The following AP2A2 variants were observed in gnomAD, a reference collection of about 807,000 sequenced individuals.
AP2A2 encodes the protein AP-2 complex subunit alpha-2.
Under a neutral mutation model 104.2 loss-of-function variants are expected in AP2A2, and 32 were observed. The observed-to-expected ratio is 0.31, with a 90% confidence interval of 0.23 to 0.41. The LOEUF is 0.41. Ranked by LOEUF, AP2A2 falls within the 10% of genes least tolerant of loss-of-function variation. The pLI is 1.00. For synonymous variants in AP2A2, 539 were observed against 533.3 expected (o/e 1.01, Z -0.15); for missense variants, 912 against 1,261.0 (o/e 0.72, Z 4.19).
chr11:965,925 T>G (rs1351510303), intron 2 of AP2A2, among the ~76,000 whole-genome samples: 1 of 152,182 alleles, frequency 6.6e-6, no homozygotes, highest in Non-Finnish European at 1.5e-5. Flanking sequence ...ACTGCAGCCT[T>G]GACTTCCTGG....
intron 16 of AP2A2, 114 bp downstream of exon 16, chr11:1,003,918 T>C: frequency 1.6e-6 from 1 of 608,734 alleles, no homozygotes; most frequent in East Asian, 3.6e-5. Flanking sequence ...TAAAAAGAAC[T>C]CCCATAACTC....
At chr11:983,569 G>C (rs1421902747) in intron 6 of AP2A2, among the ~76,000 whole-genome samples, 5 of 152,006 alleles carry the variant, frequency 3.3e-5, no homozygotes, top group South Asian at 2.1e-4. Context: ...TTTTTTAGTA[G>C]AGATGGGGTT....
chr11:993,226 G>A lies in AP2A2; in HGVS notation c.1453-58G>A, dbSNP rs903227957. 2.5e-5 allele frequency: 35 copies of A among 1,424,506 alleles called. No homozygotes were observed. The highest frequency in any genetic ancestry group is 2.9e-5 in the Non-Finnish European group (30 of 1,052,612). The allele number at this position is 1,424,506 out of a possible 1,614,324, so 88.2% of individuals were successfully genotyped here. The stretch of plus-strand genomic sequence containing the variant: ...GGGTGCACCGCGCCAGGACGTGCCC[G>A]CCTCGCCTTAACTCTGGCACCTGGC... On this transcript the variant is annotated intron_variant, in intron 11 of 21. Coordinates refer to ENST00000448903, the MANE Select transcript of AP2A2 (RefSeq NM_012305.4). This position sits in a 1 kb window ranked among gnomAD's most constrained non-coding sequence, Gnocchi z 8.2.
In AP2A2 at chr11:963,685, C is replaced by G. The variant is rs533122731; in HGVS notation, c.136+4180C>G. Among the ~76,000 whole-genome samples the G allele has an allele frequency of 2.6e-5, 4 of 152,322 alleles. No homozygotes were observed. In the South Asian group the frequency reaches 8.3e-4, roughly 32 times the overall value. ...GCTCTGTTGACCAGGCTGCCCAGTG[C>G]AATCACAGCTCACCGCAGCCTCAAC... On this transcript the variant is annotated intron_variant, in intron 2 of 21. Transcript: ENST00000448903.
intron 1 of AP2A2, chr11:946,755 A>G (rs1853849978): frequency 6.6e-6 from 1 of 151,636 alleles, no homozygotes; most frequent in Admixed American, 6.6e-5. Flanking sequence ...GGGTGAACAG[A>G]GCAAGATCCT....
At chr11:949,570 A>G (rs897317980) in intron 1 of AP2A2, among the ~76,000 whole-genome samples, 1 of 151,988 alleles carries the variant, frequency 6.6e-6, no homozygotes, top group East Asian at 1.9e-4. Context: ...AAGTCAGGAG[A>G]TGGAGACCAG....
chr11:931,460 G>T (rs2134451968), intron 1 of AP2A2, among the ~76,000 whole-genome samples: 2 of 152,320 alleles, frequency 1.3e-5, no homozygotes, highest in South Asian at 4.1e-4. Flanking sequence ...AGAATTGACT[G>T]CAAAACAATC....
chr11:933,100 C>G (rs1853340926), intron 1 of AP2A2, among the ~76,000 whole-genome samples: 1 of 152,186 alleles, frequency 6.6e-6, no homozygotes, highest in Admixed American at 6.5e-5. Flanking sequence ...AAAAACATGT[C>G]TCTACTAAAA....
At chr11:974,917 G>A (rs1350549641) in intron 4 of AP2A2, among the ~76,000 whole-genome samples, 1 of 152,148 alleles carries the variant, frequency 6.6e-6, no homozygotes, top group African/African-American at 2.4e-5. Flanking sequence ...CCCGGGAGGC[G>A]GAGGTTGCAG....
At chr11:960,457 C>G (rs1854393409) in intron 2 of AP2A2, among the ~76,000 whole-genome samples, 1 of 151,914 alleles carries the variant, frequency 6.6e-6, no homozygotes, top group Non-Finnish European at 1.5e-5. Flanking sequence ...AGGCTGGTCT[C>G]AAACTCCTGG....
chr11:957,302 C>G (rs1048919414), intron 1 of AP2A2, among the ~76,000 whole-genome samples: 1 of 152,226 alleles, frequency 6.6e-6, no homozygotes, highest in South Asian at 2.1e-4. Context: ...TCCTCCTGGG[C>G]CTTTTGTGCA....
At chr11:1,004,326 A>T (rs1856128791) in intron 16 of AP2A2, among the ~76,000 whole-genome samples, 1 of 152,138 alleles carries the variant, frequency 6.6e-6, no homozygotes, top group South Asian at 2.1e-4. Context: ...TACAAAAATT[A>T]GCTGGGTGTA....
intron 4 of AP2A2, among the ~76,000 whole-genome samples, chr11:975,378 C>A (rs1027445746): frequency 1.2e-5 from 1 of 83,788 alleles, no homozygotes; most frequent in African/African-American, 4.5e-5. Flanking sequence ...CTCCCTCTTA[C>A]GAGCCGACAT....
At chr11:1,000,392 G>T in intron 14 of AP2A2, 40 bp from the exon 15 acceptor site, 1 of 1,539,922 alleles carries the variant, frequency 6.5e-7, no homozygotes. Context: ...GGCCAGGCCA[G>T]GGAGGCTCTC....
chr11:983,414 A>G (rs188033769), intron 6 of AP2A2, among the ~76,000 whole-genome samples: 2,178 of 149,656 alleles, frequency 0.015, 17 homozygotes, highest in Non-Finnish European at 0.025. Flanking sequence ...ATGGAGTCTC[A>G]CTCTGTCGCC....
Position 959,420 on chromosome 11 carries a change from TTTG to T in AP2A2, c.68-14_68-12del, listed in dbSNP as rs1854353061. 1 of 1,488,668 alleles carries T rather than the reference TTTG, an allele frequency of 6.7e-7. No individual in the cohort carries two copies. Among genetic ancestry groups the T allele is most frequent in the East Asian group, 2.3e-5 (1 of 44,148 alleles). 92.2% of individuals were successfully genotyped at this position (1,488,668 alleles called of 1,614,324 possible). A position where few individuals can be genotyped will look rare whatever the true frequency, so the allele number is the denominator to read the frequency against. On this transcript the variant is annotated splice_polypyrimidine_tract_variant and intron_variant, in intron 1 of 21. Transcript: ENST00000448903. ...AAATCAATTAAAATAAAAATGGCTT[TTTG>T]TTCTTTTTTTTAGGTAAAAGTAAAG...
intron 5 of AP2A2, among the ~76,000 whole-genome samples, chr11:977,509 T>C (rs1046952825): frequency 6.7e-6 from 1 of 149,384 alleles, no homozygotes. Flanking sequence ...CTATCTAGTA[T>C]GCGGAGCTCC....
intron 14 of AP2A2, among the ~76,000 whole-genome samples, chr11:995,890 A>T (rs1855840745): frequency 6.7e-6 from 1 of 149,918 alleles, no homozygotes; most frequent in South Asian, 2.2e-4. Flanking sequence ...AATGAAATGA[A>T]TGAAAGATGT....
Position 993,877 on chromosome 11 carries a change from C to G in AP2A2, c.1674C>G (p.Ile558Met), listed in dbSNP as rs1368775150. The G allele has an allele frequency of 3.1e-6, 5 of 1,610,454 alleles. No homozygotes were observed. Among genetic ancestry groups the G allele is most frequent in the Non-Finnish European group, 4.2e-6 (5 of 1,179,678 alleles). ...VNLFPEVKPTIQDVLRSDSQL... is the reference protein window; with the variant it reads ...VNLFPEVKPTMQDVLRSDSQL... ...TCTTCCCGGAGGTGAAGCCCACCAT[C>G]CAGGACGTGCTGCGCAGCGACAGCC... Residue 558 changes from isoleucine (I) to methionine (M), a missense_variant, in exon 13 of 22, where the codon ATC becomes ATG. Physicochemically the swap from Ile to Met is conservative, Grantham distance 10. This residue lies in a region of AP2A2 where 137 missense variants were observed against 186.9 expected (regional missense o/e 0.73). Coordinates refer to ENST00000448903, the MANE Select transcript of AP2A2 (RefSeq NM_012305.4). This position sits in a 1 kb window ranked among gnomAD's most constrained non-coding sequence, Gnocchi z 8.2.
Sources: allele counts gnomAD v4.1 joint callset (sites outside exome capture counted in the v4.1 genomes callset), GRCh38; gene constraint gnomAD v4.1.1; regional missense constraint gnomAD v4.1.1; non-coding constraint Gnocchi (gnomAD v3.1); transcripts MANE v1.5; gene names NCBI Gene and HGNC (gene_info 2026-07-23, HGNC 2026-07-21).